Variants in PDZD7 observed in about 807,000 individuals in gnomAD.
PDZD7 encodes PDZ domain containing 7, also known as PDZ domain-containing protein 7.
In PDZD7, 72 loss-of-function variants were observed where a neutral mutation model predicts 84.7. The ratio of observed to expected loss-of-function variants is 0.85; its 90% confidence interval spans 0.70 to 1.03. The LOEUF (loss-of-function observed/expected upper bound fraction) is 1.03, where lower values mean the gene tolerates loss of function less well. Among genes scored for constraint, PDZD7 ranks in the 50% least tolerant of loss-of-function variants. The probability of loss-of-function intolerance (pLI) is 0.00; values close to 1 mark genes in which losing one functional copy is unlikely to be tolerated. For missense variants in PDZD7, 1,490 were observed against 1,412.9 expected (o/e 1.05, Z -0.87); for synonymous variants, 594 against 580.7 (o/e 1.02, Z -0.33).
Position 101,008,284 on chromosome 10 carries a change from A to G in PDZD7, c.*183T>C, listed in dbSNP as rs1434695238. Reference sequence around the variant, plus strand: ...GCCCACTAGCACCTTGTCCTTGGACACTAAGGCAGAGCCTTAATGACAGCT... The same window carrying G: ...GCCCACTAGCACCTTGTCCTTGGACGCTAAGGCAGAGCCTTAATGACAGCT... On this transcript the variant is annotated 3_prime_UTR_variant, in exon 17 of 17. Coordinates refer to ENST00000619208, the MANE Select transcript of PDZD7 (RefSeq NM_001195263.2). The G allele has an allele frequency of 4.4e-6, 3 of 687,832 alleles. No individual in the cohort carries two copies. The highest frequency in any genetic ancestry group is 4.3e-5 in the South Asian group (2 of 46,822). 42.6% of individuals were successfully genotyped at this position (687,832 alleles called of 1,614,324 possible).
chr10:101,011,963 A>T lies in PDZD7; in HGVS notation c.1895T>A (p.Val632Glu). The T allele has an allele frequency of 6.5e-7, 1 of 1,550,386 alleles. No individual in the cohort carries two copies. ...LGRFDSMVML[V>E]ELEAFEALKS... ...GAGGGCCTCAAAAGCCTCCAGCTCC[A>T]CAAGCATCACCATGCTGTCGAAGCG... Residue 632 changes from valine to glutamate, a missense_variant, in exon 13 of 17, where the codon GTG (valine) becomes GAG (glutamate). Transcript: ENST00000619208.
At position 101,018,194 on chromosome 10, in the gene PDZD7, C is replaced by G. The variant is rs1280166252; in HGVS notation, c.1427G>C (p.Arg476Pro). Reference sequence around the variant, plus strand: ...CCCGTCCCGCGCTAGCCTCCCCTGCCGCCCTCCCTTGAAGAAGAGGTTCAT... The same window carrying G: ...CCCGTCCCGCGCTAGCCTCCCCTGCGGCCCTCCCTTGAAGAAGAGGTTCAT... ...TLMNLFFKGG[R>P]QGRLARDGRR... The change falls in exon 9 of 17, where the codon CGG (arginine) becomes CCG (proline). Residue 476 changes from arginine to proline, a missense_variant. Coordinates refer to ENST00000619208, the MANE Select transcript of PDZD7 (RefSeq NM_001195263.2). 1.2e-6 allele frequency: 2 copies of G among 1,614,246 alleles called. No homozygotes were observed. Among genetic ancestry groups the G allele is most frequent in the Non-Finnish European group, 1.7e-6 (2 of 1,180,046 alleles).
At chr10:101,030,592 C>T (rs987058811) in intron 1 of PDZD7, 13 of 420,634 alleles carry the variant, frequency 3.1e-5, no homozygotes, top group Non-Finnish European at 4.9e-5. Flanking sequence ...AACCTTTCAC[C>T]CCTCATTCCT....
At chr10:101,019,524 C>CCTTCTG (rs376643396) in intron 7 of PDZD7, among the ~76,000 whole-genome samples, 1 of 137,098 alleles carries the variant, frequency 7.3e-6, no homozygotes, top group South Asian at 2.4e-4. Context: ...TTCTGCTTCC[C>CCTTCTG]CTTCTGCTTC....
intron 2 of PDZD7, 27 bp downstream of exon 2, chr10:101,029,967 A>AAACCC: frequency 2.5e-6 from 2 of 788,000 alleles, no homozygotes; most frequent in Non-Finnish European, 4.1e-6. Context: ...TCCCCAACCC[A>AAACCC]GGCCAGTGGC....
chr10:101,017,297 A>G (rs751131491), intron 9 of PDZD7: 6 of 278,054 alleles, frequency 2.2e-5, no homozygotes, highest in Non-Finnish European at 4.0e-5. Context: ...AACTCATGGG[A>G]GAGATGGAGG....
At chr10:101,014,793 A>G (rs140370962) in intron 11 of PDZD7, among the ~76,000 whole-genome samples, 1 of 152,294 alleles carries the variant, frequency 6.6e-6, no homozygotes, top group Non-Finnish European at 1.5e-5. Flanking sequence ...GCCAGTGCAC[A>G]CACCACACAG....
intron 4 of PDZD7, chr10:101,023,184 G>C (rs1853227632): frequency 1.8e-6 from 1 of 541,554 alleles, no homozygotes; most frequent in Non-Finnish European, 3.3e-6. Flanking sequence ...TTTTGCCTCT[G>C]GGTTTCACAG....
rs1852299031 is a variant in PDZD7, at chr10:101,008,791, A to G, written c.2778T>C (p.Arg926=). Residue 926 remains arginine, a synonymous_variant, in exon 17 of 17, where the codon CGT becomes CGC. Coordinates refer to ENST00000619208, the MANE Select transcript of PDZD7 (RefSeq NM_001195263.2). The part of the protein sequence containing the change: ...GENLEQVTHQ[R]AVDTIRRAYR... ...AAGCCCGACGGATGGTGTCTACTGC[A>G]CGCTGGTGGGTCACCTGCTCTAGAT... 1 of 1,531,448 alleles carries G rather than the reference A, an allele frequency of 6.5e-7. No homozygotes were observed. Among genetic ancestry groups the G allele is most frequent in the African/African-American group, 1.4e-5 (1 of 73,002 alleles). The allele number at this position is 1,531,448 out of a possible 1,614,324, so 94.9% of individuals were successfully genotyped here. A position where few individuals can be genotyped will look rare whatever the true frequency, so the allele number is the denominator to read the frequency against.
chr10:101,009,284 G>A lies in PDZD7; in HGVS notation c.2684C>T (p.Pro895Leu). The change falls in exon 16 of 17, where the codon CCT (proline) becomes CTT (leucine). Residue 895 changes from proline to leucine, a missense_variant. Physicochemically the swap from Pro to Leu is moderately conservative, Grantham distance 98. Coordinates refer to ENST00000619208, the MANE Select transcript of PDZD7 (RefSeq NM_001195263.2). ...QPMVKIEKIF[P>L]GGAAFLSGAL... ...CCCACTGAGGAAAGCGGCCCCCCCA[G>A]GGAAGATCTTCTCTATCTTCACCAT... 1 of 1,535,960 alleles carries A rather than the reference G, an allele frequency of 6.5e-7. No homozygotes were observed. The highest frequency in any genetic ancestry group is 8.7e-7 in the Non-Finnish European group (1 of 1,146,818).
chr10:101,008,900 A>C (rs1786255632), intron 16 of PDZD7, 50 bp from the exon 17 acceptor site: 9 of 1,451,942 alleles, frequency 6.2e-6, no homozygotes, highest in Non-Finnish European at 8.1e-6. Flanking sequence ...GTCACCCTGC[A>C]TCAGCCCCCA....
intron 2 of PDZD7, 31 bp downstream of exon 2, chr10:101,029,963 A>G: frequency 6.5e-7 from 1 of 1,546,504 alleles, no homozygotes; most frequent in Non-Finnish European, 8.9e-7. Context: ...ACCCTCCCCA[A>G]CCCAGGCCAG....
intron 6 of PDZD7, among the ~76,000 whole-genome samples, chr10:101,021,349 A>G (rs1367546561): frequency 1.3e-5 from 2 of 152,110 alleles, no homozygotes; most frequent in African/African-American, 4.8e-5. Context: ...GACAAGTGTG[A>G]GACCCACATG....
At position 101,021,883 on chromosome 10, in the gene PDZD7, G is replaced by C; in HGVS notation, c.782C>G (p.Ala261Gly). The C allele has an allele frequency of 6.2e-7, 1 of 1,614,138 alleles. No individual in the cohort carries two copies. The highest frequency in any genetic ancestry group is 8.5e-7 in the Non-Finnish European group (1 of 1,180,024). Residue 261 changes from alanine to glycine, a missense_variant, in exon 6 of 17, where the codon GCC becomes GGC. Physicochemically the swap from Ala to Gly is moderately conservative, Grantham distance 60 (BLOSUM62 0). Coordinates refer to ENST00000619208, the MANE Select transcript of PDZD7 (RefSeq NM_001195263.2). ...GATGTCGTCAAACCTGACACCGTTGGCTGCCAGGACCTGGTCCCCCACCTT... is the reference window on the plus strand; with the variant it reads ...GATGTCGTCAAACCTGACACCGTTGCCTGCCAGGACCTGGTCCCCCACCTT... ...GIKVGDQVLA[A>G]NGVRFDDISH...
At chr10:101,008,976 A>G in intron 16 of PDZD7, 126 bp from the exon 17 acceptor site, 4 of 1,217,884 alleles carry the variant, frequency 3.3e-6, no homozygotes. Context: ...GGTGGAGGGG[A>G]TGGACAATGA....
chr10:101,008,506 AGTCT>A lies in PDZD7; in HGVS notation c.3059_3062del (p.Gln1020LeufsTer24), dbSNP rs2133991857. The stretch of plus-strand genomic sequence containing the variant: ...GGGAGGGTGCGGGCTTAGAATCAGG[AGTCT>A]GGAGGGCTGGGGAGGGGGCTGGGCT... On this transcript the variant is annotated frameshift_variant, in exon 17 of 17. Coordinates refer to ENST00000619208, the MANE Select transcript of PDZD7 (RefSeq NM_001195263.2). LOFTEE classifies it low-confidence loss of function (END_TRUNC). 6.6e-7 allele frequency: 1 copy of A among 1,519,090 alleles called. No homozygotes were observed. The highest frequency in any genetic ancestry group is 8.8e-7 in the Non-Finnish European group (1 of 1,139,286). The allele number at this position is 1,519,090 out of a possible 1,614,324, so 94.1% of individuals were successfully genotyped here.
rs1158864387 is a variant in PDZD7 at position 101,010,623 on chromosome 10, G to A, written c.2266C>T (p.Leu756=). ...LRPNWLLTEP[L]SREHPPQSQI... Reference sequence around the variant, plus strand: ...CTCTGCGGAGGGTGCTCTCGGCTCAGGGGTTCTGTCAGCAGCCAGTTAGGC... The same window carrying A: ...CTCTGCGGAGGGTGCTCTCGGCTCAAGGGTTCTGTCAGCAGCCAGTTAGGC... Residue 756 remains leucine (L), a synonymous_variant, in exon 15 of 17, where the codon CTG becomes TTG. Transcript: ENST00000619208. The A allele has an allele frequency of 6.6e-7, 1 of 1,504,990 alleles. No homozygotes were observed. 93.2% of individuals were successfully genotyped at this position (1,504,990 alleles called of 1,614,324 possible).
intron 11 of PDZD7, among the ~76,000 whole-genome samples, chr10:101,014,753 A>G (rs913530907): frequency 6.6e-6 from 1 of 152,146 alleles, no homozygotes; most frequent in Admixed American, 6.5e-5. Flanking sequence ...ATGCAGTCAT[A>G]TCAGTACAAA....
At chr10:101,027,063 G>A (rs1264408673) in intron 2 of PDZD7, among the ~76,000 whole-genome samples, 12 of 152,076 alleles carry the variant, frequency 7.9e-5, no homozygotes, top group Non-Finnish European at 1.5e-4. Flanking sequence ...CTGCAGCCCC[G>A]GCACTATCCT....
Sources: allele counts gnomAD v4.1 joint callset (sites outside exome capture counted in the v4.1 genomes callset), GRCh38; gene constraint gnomAD v4.1.1; transcripts MANE v1.5; gene names NCBI Gene and HGNC (gene_info 2026-07-23, HGNC 2026-07-21).